The following GPR17 variants were observed in gnomAD, a reference collection of about 807,000 sequenced individuals.
The protein encoded by GPR17 is uracil nucleotide/cysteinyl leukotriene receptor.
A neutral mutation model predicts 1.5 loss-of-function variants in GPR17; 4 were observed. That is an observed-to-expected ratio of 2.73 (90% CI 1.35 to 6.25). GPR17 has a LOEUF of 6.25. Ranked by LOEUF, GPR17 falls within the 30% of genes most tolerant of loss-of-function variation. The probability of loss-of-function intolerance (pLI) is 0.00; values close to 1 mark genes in which losing one functional copy is unlikely to be tolerated. For synonymous variants in GPR17, 209 were observed against 207.6 expected, an observed-to-expected ratio of 1.01 and a Z score of -0.06; for missense variants, 463 against 462.1, an observed-to-expected ratio of 1.00 and a Z score of -0.02.
Position 127,651,385 on chromosome 2 carries a change from G to A in GPR17, c.650G>A (p.Arg217His), listed in dbSNP as rs151092449. 9.2e-5 allele frequency: 149 copies of A among 1,612,558 alleles called. No homozygotes were observed. Among genetic ancestry groups the A allele is most frequent in the East Asian group, 2.7e-4 (12 of 44,886 alleles). Residue 217 changes from arginine (R) to histidine (H), a missense_variant, in exon 2 of 2, where the codon CGC becomes CAC. Arg to His is a conservative substitution (Grantham distance 29). Transcript: ENST00000486700. Reference protein sequence around the residue: ...TTVTCYLLIIRSLRQGLRVEK... With the variant: ...TTVTCYLLIIHSLRQGLRVEK... ...GTCACCTGCTACCTGCTGATCATCC[G>A]CAGCCTGCGGCAGGGCCTGCGTGTG...
chr2:127,650,595 C>A, intron 1 of GPR17, 121 bp from the exon 2 acceptor site: 1 of 689,542 alleles, frequency 1.5e-6, no homozygotes, highest in Non-Finnish European at 2.5e-6. Context: ...GCCCCGTGGG[C>A]GGTGCTGAGC....
chr2:127,651,091 T>G lies in GPR17; in HGVS notation c.356T>G (p.Ile119Ser). 1 of 1,613,718 alleles carries G rather than the reference T, an allele frequency of 6.2e-7. No homozygotes were observed. Among genetic ancestry groups the G allele is most frequent in the South Asian group, 1.1e-5 (1 of 91,090 alleles). The change falls in exon 2 of 2, where the codon ATC (isoleucine) becomes AGC (serine). Residue 119 changes from isoleucine to serine, a missense_variant. Coordinates refer to ENST00000486700, the MANE Select transcript of GPR17 (RefSeq NM_001161417.2). ...TTCTACCTCAACATGTACGCCAGCA[T>G]CTACTTCCTCACCTGCATCAGCGCC... is the stretch of plus-strand genomic sequence containing the variant. ...FLFYLNMYAS[I>S]YFLTCISADR...
chr2:127,646,572 G>A (rs1683008188), intron 1 of GPR17: 1 of 152,318 alleles, frequency 6.6e-6, no homozygotes, highest in Non-Finnish European at 1.5e-5. Context: ...GCCAGGGATG[G>A]AGTGGCGCTA....
Position 127,650,908 on chromosome 2 carries a change from G to A in GPR17, c.173G>A (p.Arg58Gln), listed in dbSNP as rs369485456. The A allele has an allele frequency of 1.1e-4, 171 of 1,613,988 alleles. No homozygotes were observed. The highest frequency in any genetic ancestry group is 1.9e-4 in the African/African-American group (14 of 75,030). ...GNTLALWLFI[R>Q]DHKSGTPANV... The stretch of plus-strand genomic sequence containing the variant: ...ACCCTGGCTCTGTGGCTTTTCATCC[G>A]AGACCACAAGTCCGGGACCCCGGCC... Residue 58 changes from arginine to glutamine, a missense_variant, in exon 2 of 2, where the codon CGA (arginine) becomes CAA (glutamine). Physicochemically the swap from Arg to Gln is conservative, Grantham distance 43. Coordinates refer to ENST00000486700, the MANE Select transcript of GPR17 (RefSeq NM_001161417.2).
Position 127,650,779 on chromosome 2 carries a change from T to C in GPR17, c.44T>C (p.Phe15Ser). 1.2e-6 allele frequency: 2 copies of C among 1,613,724 alleles called. No homozygotes were observed. The highest frequency in any genetic ancestry group is 8.5e-7 in the Non-Finnish European group (1 of 1,179,800). The change falls in exon 2 of 2, where the codon TTC becomes TCC. Residue 15 changes from phenylalanine to serine, a missense_variant. Transcript: ENST00000486700. ...EVAPPGLITN[F>S]SLATAEQCGQ... Reference sequence around the variant, plus strand: ...GCTCCCCCAGGTCTGATCACCAACTTCTCCCTGGCCACGGCAGAGCAATGT... The same window carrying C: ...GCTCCCCCAGGTCTGATCACCAACTCCTCCCTGGCCACGGCAGAGCAATGT...
chr2:127,651,816 G>C lies in GPR17; in HGVS notation c.*61G>C. 1 of 1,495,586 alleles carries C rather than the reference G, an allele frequency of 6.7e-7. No homozygotes were observed. The highest frequency in any genetic ancestry group is 2.3e-5 in the East Asian group (1 of 43,806). 92.6% of individuals were successfully genotyped at this position (1,495,586 alleles called of 1,614,324 possible). A position where few individuals can be genotyped will look rare whatever the true frequency, so the allele number is the denominator to read the frequency against. ...TAGGACTCAGCAGACCCAGCAAGAG[G>C]CATCTGCCCTTTCCCCAGCCACCTC... On this transcript the variant is annotated 3_prime_UTR_variant, in exon 2 of 2. Coordinates refer to ENST00000486700, the MANE Select transcript of GPR17 (RefSeq NM_001161417.2).
At chr2:127,650,562 T>C in intron 1 of GPR17, 154 bp from the exon 2 acceptor site, 1 of 612,404 alleles carries the variant, frequency 1.6e-6, no homozygotes, top group Admixed American at 2.9e-5. Flanking sequence ...GCACACCAAA[T>C]GGACAAGGAG....
chr2:127,647,728 C>A lies in GPR17; in HGVS notation c.-21+1484C>A, dbSNP rs542278647. Among the ~76,000 whole-genome samples the A allele has an allele frequency of 1.3e-5, 2 of 152,082 alleles. No homozygotes were observed. The highest frequency in any genetic ancestry group is 2.9e-5 in the Non-Finnish European group (2 of 67,982). The stretch of plus-strand genomic sequence containing the variant: ...TCCTGCCAACCTGAAAACAGCACAC[C>A]TGTGTGCCCCTCCCATCTACCATGG... On this transcript the variant is annotated intron_variant, in intron 1 of 1. Coordinates refer to ENST00000486700, the MANE Select transcript of GPR17 (RefSeq NM_001161417.2). The surrounding 1 kb of genome is among the most constrained non-coding windows in gnomAD (Gnocchi z 4.3).
chr2:127,651,101 C>CA lies in GPR17; in HGVS notation c.367dup (p.Thr123AsnfsTer180), dbSNP rs754060818. The CA allele has an allele frequency of 2.0e-5, 33 of 1,613,700 alleles. No individual in the cohort carries two copies. Among genetic ancestry groups the CA allele is most frequent in the Non-Finnish European group, 2.5e-5 (29 of 1,180,040 alleles). On this transcript the variant is annotated frameshift_variant, in exon 2 of 2. Transcript: ENST00000486700. LOFTEE classifies it low-confidence loss of function (END_TRUNC). ...ACATGTACGCCAGCATCTACTTCCTCACCTGCATCAGCGCCGACCGTTTCC... is the reference window on the plus strand; with the variant it reads ...ACATGTACGCCAGCATCTACTTCCTCAACCTGCATCAGCGCCGACCGTTTCC...
In GPR17 at chr2:127,650,930, G is replaced by A. The variant is rs558800260; in HGVS notation, c.195G>A (p.Pro65=). The change falls in exon 2 of 2, where the codon CCG becomes CCA. Residue 65 remains proline, a synonymous_variant. Transcript: ENST00000486700. ...LFIRDHKSGT[P]ANVFLMHLAV... ...TCCGAGACCACAAGTCCGGGACCCC[G>A]GCCAACGTGTTCCTGATGCATCTGG... 7.7e-5 allele frequency: 125 copies of A among 1,613,980 alleles called. No individual in the cohort carries two copies. Among genetic ancestry groups the A allele is most frequent in the South Asian group, 2.4e-4 (22 of 91,082 alleles).
At chr2:127,648,019 C>G (rs949476672) in intron 1 of GPR17, 3 of 985,822 alleles carry the variant, frequency 3.0e-6, no homozygotes, top group Non-Finnish European at 3.6e-6. Flanking sequence ...CTGTCTCCCT[C>G]TCCCAAGCAT....
intron 1 of GPR17, chr2:127,650,177 G>A (rs1248459330): frequency 9.0e-7 from 1 of 1,112,364 alleles, no homozygotes; most frequent in Admixed American, 2.1e-5. Context: ...GTCAGGGGAA[G>A]CAGAAAGCGG....
rs1288705831 is a variant in GPR17 at position 127,647,764 on chromosome 2, C to T, written c.-21+1520C>T. On this transcript the variant is annotated intron_variant, in intron 1 of 1. Coordinates refer to ENST00000486700, the MANE Select transcript of GPR17 (RefSeq NM_001161417.2). This position sits in a 1 kb window ranked among gnomAD's most constrained non-coding sequence, Gnocchi z 4.3. ...TCCCATCTACCATGGGCTGTCCTCT[C>T]TGCTTGCCCATGCGTCTGCCCTGGA... 2.0e-5 allele frequency among the ~76,000 whole-genome samples: 3 copies of T among 152,112 alleles called. No homozygotes were observed. The highest frequency in any genetic ancestry group is 4.4e-5 in the Non-Finnish European group (3 of 68,014).
At chr2:127,648,990 A>G (rs1236963032) in intron 1 of GPR17, among the ~76,000 whole-genome samples, 5 of 14,458 alleles carry the variant, frequency 3.5e-4, no homozygotes, top group Non-Finnish European at 5.2e-4. Context: ...AGGGGAGGGG[A>G]GGGAGGGGAG....
At position 127,647,041 on chromosome 2, in the gene GPR17, C is replaced by T. The variant is rs547936764; in HGVS notation, c.-21+797C>T. On this transcript the variant is annotated intron_variant, in intron 1 of 1. Coordinates refer to ENST00000486700, the MANE Select transcript of GPR17 (RefSeq NM_001161417.2). This position sits in a 1 kb window ranked among gnomAD's most constrained non-coding sequence, Gnocchi z 4.3. Reference sequence around the variant, plus strand: ...CCCGGGCAGGAAGTGGAGGGCAGTGCCCAGGCTGAGGCCCCCGGGCTGGAG... The same window carrying T: ...CCCGGGCAGGAAGTGGAGGGCAGTGTCCAGGCTGAGGCCCCCGGGCTGGAG... Among the ~76,000 whole-genome samples, 4 of 151,962 alleles carry T rather than the reference C, an allele frequency of 2.6e-5. No individual in the cohort carries two copies. The highest frequency in any genetic ancestry group is 5.9e-5 in the Non-Finnish European group (4 of 67,992).
At chr2:127,649,165 T>TAGGAAGGAAGGGAGGAAAGAAGGA (rs1683402734) in intron 1 of GPR17, among the ~76,000 whole-genome samples, 1 of 134,236 alleles carries the variant, frequency 7.4e-6, no homozygotes, top group South Asian at 2.5e-4. Context: ...GAGAGGAAGG[T>TAGGAAGGAAGGGAGGAAAGAAGGA]AGGAAGGAAG....
Position 127,651,244 on chromosome 2 carries a change from C to T in GPR17, c.509C>T (p.Pro170Leu). The T allele has an allele frequency of 6.2e-7, 1 of 1,606,728 alleles. No individual in the cohort carries two copies. Among genetic ancestry groups the T allele is most frequent in the South Asian group, 1.1e-5 (1 of 90,832 alleles). Residue 170 changes from proline to leucine, a missense_variant, in exon 2 of 2, where the codon CCA becomes CTA. Coordinates refer to ENST00000486700, the MANE Select transcript of GPR17 (RefSeq NM_001161417.2). ...GCCATGGCCCCGCTGCTGGTGAGCC[C>T]ACAGACCGTGCAGACCAACCACACG... is the stretch of plus-strand genomic sequence containing the variant. ...AVAMAPLLVSPQTVQTNHTVV... is the reference protein window; with the variant it reads ...AVAMAPLLVSLQTVQTNHTVV...
chr2:127,647,797 T>C lies in GPR17; in HGVS notation c.-21+1553T>C, dbSNP rs1387236067. 2.6e-5 allele frequency among the ~76,000 whole-genome samples: 4 copies of C among 151,862 alleles called. No homozygotes were observed. Among genetic ancestry groups the C allele is most frequent in the African/African-American group, 9.7e-5 (4 of 41,318 alleles). ...CCATGCGTCTGCCCTGGAGCCCTGT[T>C]CCTCCAGTCTCCGGGTCCTCACCCC... On this transcript the variant is annotated intron_variant, in intron 1 of 1. Transcript: ENST00000486700. This position sits in a 1 kb window ranked among gnomAD's most constrained non-coding sequence, Gnocchi z 4.3.
chr2:127,646,497 C>T (rs192242819), intron 1 of GPR17: 7 of 152,390 alleles, frequency 4.6e-5, no homozygotes, highest in African/African-American at 1.2e-4. Context: ...ATGACAGCAC[C>T]GCTGCCCCTA....
Sources: gnomAD v4.1 joint callset for allele counts (sites outside exome capture counted in the v4.1 genomes callset) on GRCh38, gnomAD v4.1.1 for gene constraint, Gnocchi (gnomAD v3.1) non-coding constraint, MANE v1.5 for transcripts, NCBI Gene and HGNC (gene_info 2026-07-23, HGNC 2026-07-21) for gene names.